IL1RAPL1: variants seen among roughly 807,000 people sequenced by gnomAD.
The protein encoded by IL1RAPL1 is interleukin-1 receptor accessory protein-like 1.
A neutral mutation model predicts 48.4 loss-of-function variants in IL1RAPL1; 3 were observed. That is an observed-to-expected ratio of 0.06 (90% confidence interval 0.03 to 0.16). The LOEUF is 0.16. Among genes scored for constraint, IL1RAPL1 ranks in the 10% least tolerant of loss-of-function variants. IL1RAPL1 has a pLI of 1.00. For synonymous variants in IL1RAPL1, 185 were observed against 187.7 expected, an observed-to-expected ratio of 0.99 and a Z score of 0.12; for missense variants, 349 against 530.6, an observed-to-expected ratio of 0.66 and a Z score of 3.36.
chrX:29,138,739 T>C (rs1439809287), intron 2 of IL1RAPL1, among the ~76,000 whole-genome samples: 3 of 100,582 alleles, frequency 3.0e-5, no homozygotes, highest in African/African-American at 1.1e-4. Flanking sequence ...ATCCCGCCAC[T>C]GCACTCCAGG....
intron 5 of IL1RAPL1, among the ~76,000 whole-genome samples, chrX:29,612,271 C>G (rs1924120203): frequency 9.0e-6 from 1 of 110,580 alleles, no homozygotes; most frequent in Non-Finnish European, 1.9e-5. Flanking sequence ...TCAATGGACC[C>G]TTTAGAGTTA....
chrX:29,077,438 A>G (rs1487005564), intron 2 of IL1RAPL1, among the ~76,000 whole-genome samples: 1 of 109,978 alleles, frequency 9.1e-6, no homozygotes, highest in South Asian at 3.9e-4. Flanking sequence ...CCCCATCTCT[A>G]CTAAAAATAC....
intron 1 of IL1RAPL1, among the ~76,000 whole-genome samples, chrX:28,764,818 A>C (rs5943460): frequency 0.44 from 47,440 of 106,955 alleles, 7,732 homozygotes; most frequent in Middle Eastern, 0.62. Context: ...CATGCACGCA[A>C]ACACACACAC....
intron 5 of IL1RAPL1, among the ~76,000 whole-genome samples, chrX:29,491,953 C>T (rs943461166): frequency 8.9e-6 from 1 of 111,955 alleles, no homozygotes; most frequent in Non-Finnish European, 1.9e-5. Flanking sequence ...ACCTCACATA[C>T]CAAACCCCTA....
At chrX:29,439,851 GTTT>G (rs760458968) in intron 5 of IL1RAPL1, among the ~76,000 whole-genome samples, 1 of 59,865 alleles carries the variant, frequency 1.7e-5, no homozygotes, top group Non-Finnish European at 2.9e-5. Context: ...TGTTTGTTTG[GTTT>G]TTTTTTTTTT....
chrX:29,614,903 T>C (rs966612609), intron 5 of IL1RAPL1, among the ~76,000 whole-genome samples: 1 of 108,576 alleles, frequency 9.2e-6, no homozygotes, highest in African/African-American at 3.4e-5. Context: ...GAGCTTGCAG[T>C]GAGCGGAGAT....
At chrX:29,379,267 G>C (rs1304059732) in intron 3 of IL1RAPL1, among the ~76,000 whole-genome samples, 1 of 112,517 alleles carries the variant, frequency 8.9e-6, no homozygotes, top group African/African-American at 3.2e-5. Context: ...GGGGAATGGG[G>C]GGTATCCAGG....
intron 2 of IL1RAPL1, among the ~76,000 whole-genome samples, chrX:29,177,900 A>C (rs1490756109): frequency 8.9e-6 from 1 of 111,741 alleles, no homozygotes; most frequent in East Asian, 2.8e-4. Flanking sequence ...AGCTTCATCT[A>C]TGTCCCTGCA....
rs771899364 is a variant in IL1RAPL1, at chrX:28,619,702, A to G, written c.-25+31655A>G. Among the ~76,000 whole-genome samples the G allele has an allele frequency of 2.7e-5, 3 of 110,486 alleles. No homozygotes were observed. In the East Asian group the frequency reaches 8.5e-4, roughly 31 times the overall value. ...AGTGTGTCATAATACTTACAGAATG[A>G]TTTTGATTGTGTACGTTTGCTTCTC... On this transcript the variant is annotated intron_variant, in intron 1 of 10. Coordinates refer to ENST00000378993, the MANE Select transcript of IL1RAPL1 (RefSeq NM_014271.4).
chrX:29,653,091 T>G (rs1925565583), intron 5 of IL1RAPL1, among the ~76,000 whole-genome samples: 1 of 111,959 alleles, frequency 8.9e-6, no homozygotes, highest in Non-Finnish European at 1.9e-5. Context: ...CAATGTATAC[T>G]TCAGTATATG....
intron 3 of IL1RAPL1, among the ~76,000 whole-genome samples, chrX:29,364,765 G>A (rs1034840591): frequency 2.7e-5 from 3 of 110,602 alleles, no homozygotes; most frequent in African/African-American, 9.9e-5. Context: ...ACAGGAGGAT[G>A]TGCATAAGTT....
chrX:28,654,378 T>C (rs1257078848), intron 1 of IL1RAPL1, among the ~76,000 whole-genome samples: 1 of 111,330 alleles, frequency 9.0e-6, no homozygotes, highest in African/African-American at 3.3e-5. Flanking sequence ...CTTATCCCCA[T>C]TGAAAAATTA....
chrX:28,603,855 T>A (rs1934054376), intron 1 of IL1RAPL1, among the ~76,000 whole-genome samples: 1 of 112,578 alleles, frequency 8.9e-6, no homozygotes, highest in Non-Finnish European at 1.9e-5. Context: ...TATAGTAAAG[T>A]TAGCGTTTAT....
intron 5 of IL1RAPL1, among the ~76,000 whole-genome samples, chrX:29,458,419 A>C (rs981697423): frequency 3.8e-5 from 4 of 104,362 alleles, no homozygotes; most frequent in African/African-American, 1.4e-4. Context: ...ACTACTGCCA[A>C]ATGGATACAA....
chrX:28,862,423 T>C (rs1921970325), intron 2 of IL1RAPL1, among the ~76,000 whole-genome samples: 2 of 112,095 alleles, frequency 1.8e-5, no homozygotes, highest in Non-Finnish European at 3.8e-5. Flanking sequence ...CTAGAGAATA[T>C]CATGTAATCT....
At chrX:28,962,946 A>G (rs905498920) in intron 2 of IL1RAPL1, among the ~76,000 whole-genome samples, 9 of 108,557 alleles carry the variant, frequency 8.3e-5, no homozygotes, top group Admixed American at 6.1e-4. Context: ...TTTATTAGCT[A>G]CTATCAAGTT....
intron 6 of IL1RAPL1, among the ~76,000 whole-genome samples, chrX:29,743,228 A>G (rs910959782): frequency 4.6e-5 from 5 of 107,574 alleles, no homozygotes; most frequent in African/African-American, 1.7e-4. Flanking sequence ...TATAATTAAA[A>G]TTTTTACATA....
chrX:29,782,088 GTCTGTCTGTCTGTCTA>G (rs1391683368), intron 6 of IL1RAPL1, among the ~76,000 whole-genome samples: 4 of 75,423 alleles, frequency 5.3e-5, no homozygotes, highest in African/African-American at 1.8e-4. Flanking sequence ...CTGTCTGTCT[GTCTGTCTGTCTGTCTA>G]TCTATCTATC....
At chrX:29,939,072 G>C (rs1933082395) in intron 8 of IL1RAPL1, among the ~76,000 whole-genome samples, 1 of 111,734 alleles carries the variant, frequency 8.9e-6, no homozygotes, top group Non-Finnish European at 1.9e-5. Context: ...GCAGATATCT[G>C]CTTATATTTC....
Sources: allele counts gnomAD v4.1 joint callset (sites outside exome capture counted in the v4.1 genomes callset), GRCh38; gene constraint gnomAD v4.1.1; transcripts MANE v1.5; gene names NCBI Gene and HGNC (gene_info 2026-07-23, HGNC 2026-07-21).